ARHGAP26: variants seen among roughly 807,000 people sequenced by gnomAD.
ARHGAP26 encodes rho GTPase-activating protein 26.
Under a neutral mutation model 104.8 loss-of-function variants are expected in ARHGAP26, and 38 were observed. That is an observed-to-expected ratio of 0.36 (90% CI 0.28 to 0.48). The LOEUF (loss-of-function observed/expected upper bound fraction) is 0.48, where lower values mean the gene tolerates loss of function less well. ARHGAP26 is among the 20% of genes least tolerant of loss of function. ARHGAP26 has a pLI of 0.99. For synonymous variants in ARHGAP26, 341 were observed against 340.0 expected, an observed-to-expected ratio of 1.00 and a Z score of -0.03; for missense variants, 704 against 947.9, an observed-to-expected ratio of 0.74 and a Z score of 3.38.
At chr5:142,810,478 C>T (rs914691433) in intron 1 of ARHGAP26, among the ~76,000 whole-genome samples, 1 of 152,030 alleles carries the variant, frequency 6.6e-6, no homozygotes, top group East Asian at 1.9e-4. Flanking sequence ...TGTTCCTCTC[C>T]CCTCTCCCCC....
At chr5:143,206,613 T>C (rs187516922) in intron 20 of ARHGAP26, among the ~76,000 whole-genome samples, 1 of 152,332 alleles carries the variant, frequency 6.6e-6, no homozygotes, top group African/African-American at 2.4e-5. Context: ...GGTAATTGCA[T>C]GCCGTCTCCC....
intron 11 of ARHGAP26, among the ~76,000 whole-genome samples, chr5:142,950,363 G>T (rs936612735): frequency 6.6e-6 from 1 of 151,796 alleles, no homozygotes; most frequent in Non-Finnish European, 1.5e-5. Flanking sequence ...TCCTTTTTGT[G>T]ACTGCAACAA....
chr5:142,874,390 C>T (rs994707311), intron 2 of ARHGAP26, among the ~76,000 whole-genome samples: 1 of 152,108 alleles, frequency 6.6e-6, no homozygotes, highest in African/African-American at 2.4e-5. Flanking sequence ...TTCCTGTTGC[C>T]ATGTAGAACA....
intron 13 of ARHGAP26, 44 bp downstream of exon 13, chr5:143,037,305 G>A (rs370888490): frequency 2.1e-5 from 31 of 1,510,522 alleles, no homozygotes; most frequent in Middle Eastern, 1.8e-4. Flanking sequence ...AGAAGGTCAC[G>A]CATCTGGTGA....
rs1811839078 is a variant in ARHGAP26, at chr5:143,228,588, A to C, written c.*6142A>C. On this transcript the variant is annotated 3_prime_UTR_variant, in exon 23 of 23. Transcript: ENST00000645722. ...AAAGACATTTTGTCCACATTTTGGA[A>C]AAGAAAATATTTGCATGTTTAATTC... The C allele has an allele frequency of 9.2e-6, 2 of 216,850 alleles. No individual in the cohort carries two copies. The highest frequency in any genetic ancestry group is 1.9e-5 in the Non-Finnish European group (2 of 107,526). The allele number at this position is 216,850 out of a possible 1,614,324, so 13.4% of individuals were successfully genotyped here. A position where few individuals can be genotyped will look rare whatever the true frequency, so the allele number is the denominator to read the frequency against.
Position 143,214,099 on chromosome 5 carries a change from C to A in ARHGAP26, c.2191+11C>A. 1 of 1,331,002 alleles carries A rather than the reference C, an allele frequency of 7.5e-7. No homozygotes were observed. The highest frequency in any genetic ancestry group is 1.0e-6 in the Non-Finnish European group (1 of 961,454). The allele number at this position is 1,331,002 out of a possible 1,614,324, so 82.4% of individuals were successfully genotyped here. On this transcript the variant is annotated intron_variant, in intron 22 of 22. Coordinates refer to ENST00000645722, the MANE Select transcript of ARHGAP26 (RefSeq NM_001135608.3). ...CGGTCTTCGATAACGGTGAGTTTCT[C>A]ATCCCCTCACAAAGATATGGGCGGG... is the stretch of plus-strand genomic sequence containing the variant.
intron 14 of ARHGAP26, among the ~76,000 whole-genome samples, chr5:143,050,348 CT>C (rs78448109): frequency 3.1e-3 from 441 of 144,086 alleles, no homozygotes; most frequent in Admixed American, 3.4e-3. Flanking sequence ...TCTTCTTCTT[CT>C]TTTTTTTTTT....
chr5:142,809,467 G>A (rs1321398347), intron 1 of ARHGAP26, among the ~76,000 whole-genome samples: 1 of 152,152 alleles, frequency 6.6e-6, no homozygotes, highest in East Asian at 1.9e-4. Context: ...GACAGAAGTT[G>A]GGGTGTCTGA....
intron 11 of ARHGAP26, among the ~76,000 whole-genome samples, chr5:142,957,290 A>G (rs1769418626): frequency 1.3e-5 from 2 of 152,236 alleles, no homozygotes; most frequent in Admixed American, 1.3e-4. Context: ...AATCTTGTAG[A>G]AAAAATTGTA....
At chr5:142,999,495 G>A (rs1158291348) in intron 11 of ARHGAP26, among the ~76,000 whole-genome samples, 5 of 152,044 alleles carry the variant, frequency 3.3e-5, no homozygotes, top group African/African-American at 1.2e-4. Context: ...TCCTAAATTT[G>A]TATTTAAAAC....
At chr5:142,790,465 T>G (rs1194172736) in intron 1 of ARHGAP26, among the ~76,000 whole-genome samples, 1 of 152,212 alleles carries the variant, frequency 6.6e-6, no homozygotes, top group South Asian at 2.1e-4. Flanking sequence ...CTTGGTAAGA[T>G]AGAATCCATT....
chr5:143,223,948 ACT>A lies in ARHGAP26; in HGVS notation c.*1505_*1506del, dbSNP rs1310569902. 4.3e-6 allele frequency: 1 copy of A among 231,864 alleles called. No individual in the cohort carries two copies. The highest frequency in any genetic ancestry group is 6.1e-5 in the East Asian group (1 of 16,356). 14.4% of individuals were successfully genotyped at this position (231,864 alleles called of 1,614,324 possible). On this transcript the variant is annotated 3_prime_UTR_variant, in exon 23 of 23. Transcript: ENST00000645722. ...ACATGTGAATGTCATTGCAAGGGTG[ACT>A]CTAGACAAACTACAAACCGATGGAC... is the stretch of plus-strand genomic sequence containing the variant.
rs115516571 is a variant in ARHGAP26 at position 143,122,678 on chromosome 5, G to A, written c.1698+1531G>A. 9.4e-3 allele frequency among the ~76,000 whole-genome samples: 1,427 copies of A among 152,320 alleles called. 14 individuals carry two copies. Among genetic ancestry groups the A allele is most frequent in the Middle Eastern group, 0.034 (10 of 294 alleles). The stretch of plus-strand genomic sequence containing the variant: ...GAAGAGAACAAAAAGCAGATTAATT[G>A]TTTTGAAGTTACTTTCCTTGTAAAA... On this transcript the variant is annotated intron_variant, in intron 18 of 22. Coordinates refer to ENST00000645722, the MANE Select transcript of ARHGAP26 (RefSeq NM_001135608.3).
chr5:143,205,576 G>A (rs1023675004), intron 20 of ARHGAP26, among the ~76,000 whole-genome samples: 1 of 152,224 alleles, frequency 6.6e-6, no homozygotes, highest in Non-Finnish European at 1.5e-5. Flanking sequence ...GACTGAGTCT[G>A]TAAAGAAGCT....
At chr5:142,822,236 C>A (rs1766341106) in intron 1 of ARHGAP26, among the ~76,000 whole-genome samples, 1 of 140,932 alleles carries the variant, frequency 7.1e-6, no homozygotes, top group East Asian at 2.7e-4. Context: ...GCAGTTTAGT[C>A]TTAATTTGCT....
At chr5:143,112,562 T>C (rs1226435780) in intron 17 of ARHGAP26, among the ~76,000 whole-genome samples, 1 of 152,218 alleles carries the variant, frequency 6.6e-6, no homozygotes, top group African/African-American at 2.4e-5. Context: ...TCCATCTCCA[T>C]AACTAATCTT....
intron 20 of ARHGAP26, among the ~76,000 whole-genome samples, chr5:143,178,732 G>C (rs759298596): frequency 6.6e-6 from 1 of 152,224 alleles, no homozygotes; most frequent in Non-Finnish European, 1.5e-5. Context: ...GAGGGAGGCT[G>C]TTCATACTTC....
At chr5:143,185,005 A>G (rs551656398) in intron 20 of ARHGAP26, among the ~76,000 whole-genome samples, 2 of 152,264 alleles carry the variant, frequency 1.3e-5, no homozygotes, top group South Asian at 2.1e-4. Flanking sequence ...GTGGATTTTT[A>G]CCCCTGTATT....
In ARHGAP26 at chr5:143,080,923, T is replaced by C. The variant is rs530140712; in HGVS notation, c.1538+23176T>C. ...GGGGCCTGGACTAGGGTAGTAGTGG[T>C]GGAAATGCTGAACAGTGGGCACATT... On this transcript the variant is annotated intron_variant, in intron 17 of 22. Coordinates refer to ENST00000645722, the MANE Select transcript of ARHGAP26 (RefSeq NM_001135608.3). Among the ~76,000 whole-genome samples the C allele has an allele frequency of 2.0e-5, 3 of 151,566 alleles. No homozygotes were observed. In the East Asian group the frequency reaches 5.8e-4, roughly 29 times the overall value.
Sources: allele counts gnomAD v4.1 joint callset (sites outside exome capture counted in the v4.1 genomes callset), GRCh38; gene constraint gnomAD v4.1.1; transcripts MANE v1.5; gene names NCBI Gene and HGNC (gene_info 2026-07-23, HGNC 2026-07-21).